SLC4A10: variants seen among roughly 807,000 people sequenced by gnomAD.
SLC4A10 encodes solute carrier family 4 member 10.
In SLC4A10, 42 loss-of-function variants were observed where a neutral mutation model predicts 137.7. The observed-to-expected ratio is 0.30, with a 90% CI of 0.24 to 0.39. The LOEUF (loss-of-function observed/expected upper bound fraction) is 0.39, where lower values mean the gene tolerates loss of function less well. SLC4A10 is among the 10% of genes least tolerant of loss of function. The pLI, the probability that SLC4A10 is intolerant of heterozygous loss-of-function variation, is 1.00. For missense variants in SLC4A10, 925 were observed against 1,355.0 expected (o/e 0.68, Z 4.98); for synonymous variants, 474 against 464.1 (o/e 1.02, Z -0.27).
chr2:161,784,260 A>C (rs1298924851), intron 2 of SLC4A10, among the ~76,000 whole-genome samples: 5 of 151,886 alleles, frequency 3.3e-5, no homozygotes, highest in Non-Finnish European at 1.5e-5. Context: ...AAAACTGAAG[A>C]GAGAAACAGG....
chr2:161,766,631 C>A (rs956200211), intron 1 of SLC4A10, among the ~76,000 whole-genome samples: 1 of 151,908 alleles, frequency 6.6e-6, no homozygotes, highest in Non-Finnish European at 1.5e-5. Flanking sequence ...CTATGTCTTG[C>A]AAAAATAATA....
At chr2:161,808,125 G>C (rs75926333) in intron 3 of SLC4A10, among the ~76,000 whole-genome samples, 8 of 151,688 alleles carry the variant, frequency 5.3e-5, no homozygotes, top group Non-Finnish European at 8.8e-5. Context: ...GCTTTTCTTG[G>C]TTGATATTTA....
At chr2:161,983,043 T>C in intron 26 of SLC4A10, 136 bp from the exon 27 acceptor site, 1 of 677,980 alleles carries the variant, frequency 1.5e-6, no homozygotes, top group South Asian at 2.0e-5. Flanking sequence ...CTATCTGTGC[T>C]TCGCAGCATG....
intron 1 of SLC4A10, among the ~76,000 whole-genome samples, chr2:161,631,524 G>C (rs2033553858): frequency 6.6e-6 from 1 of 151,582 alleles, no homozygotes; most frequent in Non-Finnish European, 1.5e-5. Flanking sequence ...ATTGGTCAGG[G>C]TTTCAGGTTA....
chr2:161,918,038 C>T (rs1172642899), intron 15 of SLC4A10, among the ~76,000 whole-genome samples: 1 of 152,186 alleles, frequency 6.6e-6, no homozygotes, highest in Non-Finnish European at 1.5e-5. Flanking sequence ...TTGTGGGTCA[C>T]TGGTTTGTAC....
At chr2:161,942,743 G>C (rs1389607504) in intron 15 of SLC4A10, 49 bp from the exon 16 acceptor site, 19 of 1,436,040 alleles carry the variant, frequency 1.3e-5, no homozygotes, top group Non-Finnish European at 1.6e-5. Flanking sequence ...CTTCGGTACA[G>C]TCACAAAAAG....
At chr2:161,633,290 C>T (rs763346781) in intron 1 of SLC4A10, among the ~76,000 whole-genome samples, 7 of 151,728 alleles carry the variant, frequency 4.6e-5, no homozygotes, top group Non-Finnish European at 7.4e-5. Flanking sequence ...TTGCCTCAAT[C>T]GGTGGCTGGA....
At chr2:161,881,524 T>A (rs2125971014) in intron 9 of SLC4A10, among the ~76,000 whole-genome samples, 1 of 152,150 alleles carries the variant, frequency 6.6e-6, no homozygotes, top group South Asian at 2.1e-4. Flanking sequence ...TAGTAACTAT[T>A]TTAGTACACC....
chr2:161,820,833 C>T (rs941601575), intron 3 of SLC4A10, among the ~76,000 whole-genome samples: 2 of 152,084 alleles, frequency 1.3e-5, no homozygotes, highest in African/African-American at 4.8e-5. Flanking sequence ...ATAGGACATG[C>T]ATATTTTCAG....
At chr2:161,744,620 G>T (rs940364689) in intron 1 of SLC4A10, among the ~76,000 whole-genome samples, 1 of 151,922 alleles carries the variant, frequency 6.6e-6, no homozygotes, top group Non-Finnish European at 1.5e-5. Context: ...CTACTATGAG[G>T]CTTGTAAATA....
At chr2:161,922,162 G>C (rs1688259791) in intron 15 of SLC4A10, among the ~76,000 whole-genome samples, 1 of 152,148 alleles carries the variant, frequency 6.6e-6, no homozygotes, top group Admixed American at 6.5e-5. Flanking sequence ...TATATATTTA[G>C]AGGCTAAGGA....
At chr2:161,772,182 A>G (rs1283059662) in intron 2 of SLC4A10, among the ~76,000 whole-genome samples, 2 of 151,950 alleles carry the variant, frequency 1.3e-5, no homozygotes, top group African/African-American at 2.4e-5. Context: ...CATTCATTAC[A>G]TAAATTTAAG....
rs188561348 is a variant in SLC4A10, at chr2:161,641,172, A to C, written c.48+16606A>C. Among the ~76,000 whole-genome samples the C allele has an allele frequency of 3.3e-5, 5 of 152,272 alleles. No individual in the cohort carries two copies. In the East Asian group the frequency reaches 9.6e-4, roughly 29 times the overall value. On this transcript the variant is annotated intron_variant, in intron 1 of 26. Transcript: ENST00000446997. ...GTATTTCAGTGTCTTATCCTTTTCC[A>C]ATCTTACTGTTTATTACAATATGAT...
intron 2 of SLC4A10, among the ~76,000 whole-genome samples, chr2:161,803,893 A>G (rs1435155312): frequency 1.3e-5 from 2 of 152,188 alleles, no homozygotes; most frequent in Non-Finnish European, 2.9e-5. Flanking sequence ...AAATTGAACA[A>G]TTATAACAAT....
At chr2:161,797,087 T>G (rs967447472) in intron 2 of SLC4A10, among the ~76,000 whole-genome samples, 3 of 152,154 alleles carry the variant, frequency 2.0e-5, no homozygotes, top group Non-Finnish European at 2.9e-5. Flanking sequence ...ATTTTCTTTC[T>G]CTTCCTTGCA....
chr2:161,859,722 T>C (rs2060321143), intron 5 of SLC4A10, among the ~76,000 whole-genome samples: 1 of 144,036 alleles, frequency 6.9e-6, no homozygotes, highest in Non-Finnish European at 1.5e-5. Flanking sequence ...TGCCTCAACC[T>C]CCCGAGTCGC....
At chr2:161,644,277 G>A (rs1301790265) in intron 1 of SLC4A10, among the ~76,000 whole-genome samples, 2 of 151,972 alleles carry the variant, frequency 1.3e-5, no homozygotes, top group Non-Finnish European at 2.9e-5. Flanking sequence ...TGAGAAGATC[G>A]CTTGAGTTCA....
chr2:161,793,606 C>T (rs1320464484), intron 2 of SLC4A10, among the ~76,000 whole-genome samples: 2 of 152,082 alleles, frequency 1.3e-5, no homozygotes, highest in Non-Finnish European at 2.9e-5. Flanking sequence ...TCTTTTCTTC[C>T]CTTCTCTCTC....
chr2:161,698,549 C>G (rs868594438), intron 1 of SLC4A10, among the ~76,000 whole-genome samples: 2 of 152,306 alleles, frequency 1.3e-5, no homozygotes, highest in East Asian at 3.9e-4. Flanking sequence ...GCCTTTTCTG[C>G]ATCTATTGAG....
Sources: allele counts gnomAD v4.1 joint callset (sites outside exome capture counted in the v4.1 genomes callset), GRCh38; gene constraint gnomAD v4.1.1; transcripts MANE v1.5; gene names NCBI Gene and HGNC (gene_info 2026-07-23, HGNC 2026-07-21).